Variants in VPS13D observed in about 807,000 individuals in gnomAD.
VPS13D encodes vacuolar protein sorting 13 homolog D, also known as intermembrane lipid transfer protein VPS13D.
In VPS13D, 187 loss-of-function variants were observed where a neutral mutation model predicts 461.9. The ratio of observed to expected loss-of-function variants is 0.40; its 90% CI spans 0.36 to 0.46. VPS13D has a LOEUF of 0.46. Among genes scored for constraint, VPS13D ranks in the 20% least tolerant of loss-of-function variants. The pLI is 0.60. For synonymous variants in VPS13D, 1,951 were observed against 1,986.3 expected, an observed-to-expected ratio of 0.98 and a Z score of 0.47; for missense variants, 4,711 against 5,364.9, an observed-to-expected ratio of 0.88 and a Z score of 3.81.
At chr1:12,365,635 C>T (rs1172924563) in intron 52 of VPS13D, among the ~76,000 whole-genome samples, 7 of 149,884 alleles carry the variant, frequency 4.7e-5, no homozygotes, top group African/African-American at 1.7e-4. Flanking sequence ...ACCCAGGAGG[C>T]GGAGGTTGCA....
chr1:12,416,786 A>T lies in VPS13D; in HGVS notation c.12292A>T (p.Ile4098Phe). ...AAAATATGGAAATGTCGGGGGCCTC[A>T]TCAGAAATGTTACACACGGAGTATC... ...LIKYGNVGGL[I>F]RNVTHGVSNS... The change falls in exon 65 of 70, where the codon ATC (isoleucine) becomes TTC (phenylalanine). Residue 4098 changes from isoleucine (I) to phenylalanine (F), a missense_variant. Physicochemically the swap from Ile to Phe is conservative, Grantham distance 21 (BLOSUM62 0). This residue lies in a region of VPS13D where 106 missense variants were observed against 206.2 expected (regional missense o/e 0.51). Coordinates refer to ENST00000620676, the MANE Select transcript of VPS13D (RefSeq NM_015378.4). The T allele has an allele frequency of 1.9e-6, 3 of 1,613,778 alleles. No individual in the cohort carries two copies. The highest frequency in any genetic ancestry group is 2.5e-6 in the Non-Finnish European group (3 of 1,179,918).
chr1:12,397,455 T>C (rs1399973940), intron 60 of VPS13D, among the ~76,000 whole-genome samples: 1 of 152,212 alleles, frequency 6.6e-6, no homozygotes. Context: ...CAGATGTGTT[T>C]AGTGAAAGAA....
chr1:12,507,199 T>G lies in VPS13D; in HGVS notation c.13035+106T>G, dbSNP rs767122127. On this transcript the variant is annotated intron_variant, in intron 69 of 69. Coordinates refer to ENST00000620676, the MANE Select transcript of VPS13D (RefSeq NM_015378.4). The surrounding 1 kb of genome is among the most constrained non-coding windows in gnomAD (Gnocchi z 5.3). Reference sequence around the variant, plus strand: ...AGGAGCTCATTTAGGAGGTTGAGGCTGGGCCCTTCCCAGGAGTGCTGCCTC... The same window carrying G: ...AGGAGCTCATTTAGGAGGTTGAGGCGGGGCCCTTCCCAGGAGTGCTGCCTC... 4 of 1,594,410 alleles carry G rather than the reference T, an allele frequency of 2.5e-6. No homozygotes were observed. In the South Asian group the frequency reaches 3.3e-5, roughly 13 times the overall value.
intron 64 of VPS13D, among the ~76,000 whole-genome samples, chr1:12,415,454 G>C (rs897111063): frequency 1.3e-5 from 2 of 152,086 alleles, no homozygotes; most frequent in Non-Finnish European, 2.9e-5. Context: ...AGTCTGAGGG[G>C]TTCCTGCTAG....
intron 68 of VPS13D, among the ~76,000 whole-genome samples, chr1:12,498,623 C>G (rs1476495557): frequency 6.6e-6 from 1 of 152,142 alleles, no homozygotes; most frequent in Non-Finnish European, 1.5e-5. Context: ...CTTGTTTCGT[C>G]TACTTGGGTT....
chr1:12,509,244 G>A lies in VPS13D; in HGVS notation c.*220G>A, dbSNP rs1646154023. 2 of 556,352 alleles carry A rather than the reference G, an allele frequency of 3.6e-6. No individual in the cohort carries two copies. The highest frequency in any genetic ancestry group is 6.0e-6 in the Non-Finnish European group (2 of 331,934). The allele number at this position is 556,352 out of a possible 1,614,324, so 34.5% of individuals were successfully genotyped here. A position where few individuals can be genotyped will look rare whatever the true frequency, so the allele number is the denominator to read the frequency against. On this transcript the variant is annotated 3_prime_UTR_variant, in exon 70 of 70. Coordinates refer to ENST00000620676, the MANE Select transcript of VPS13D (RefSeq NM_015378.4). ...TAGATTATGGGAAATAATTTTTAAAGGTATTGGTTAAATAACGTTTAAAAA... is the reference window on the plus strand; with the variant it reads ...TAGATTATGGGAAATAATTTTTAAAAGTATTGGTTAAATAACGTTTAAAAA...
At chr1:12,437,121 T>TA (rs939429347) in intron 65 of VPS13D, among the ~76,000 whole-genome samples, 19 of 152,158 alleles carry the variant, frequency 1.2e-4, no homozygotes, top group African/African-American at 4.3e-4. Context: ...TAATTAGAGC[T>TA]AAAACCAAAC....
At chr1:12,295,222 C>CAAAAAA (rs112447551) in intron 24 of VPS13D, among the ~76,000 whole-genome samples, 14 of 72,950 alleles carry the variant, frequency 1.9e-4, no homozygotes, top group East Asian at 1.3e-3. Context: ...CACCATGACT[C>CAAAAAA]AAAAAAAAAA....
Position 12,507,072 on chromosome 1 carries a change from C to A in VPS13D, c.13014C>A (p.Gly4338=), listed in dbSNP as rs1187475036. The change falls in exon 69 of 70, where the codon GGC becomes GGA. Residue 4338 remains glycine, a synonymous_variant. Transcript: ENST00000620676. The surrounding 1 kb of genome is among the most constrained non-coding windows in gnomAD (Gnocchi z 5.3). The stretch of plus-strand genomic sequence containing the variant: ...CGAGCAGTGGAGTGTCCATCCCCGG[C>A]CCCTCCCACCAGAAGCCCATGGTGA... ...VSTSSGVSIP[G]PSHQKPMVHV... is the part of the protein sequence containing the mutation. The A allele has an allele frequency of 1.2e-6, 2 of 1,614,226 alleles. No individual in the cohort carries two copies. Among genetic ancestry groups the A allele is most frequent in the African/African-American group, 2.7e-5 (2 of 75,074 alleles).
At chr1:12,388,293 G>A (rs974480385) in intron 60 of VPS13D, among the ~76,000 whole-genome samples, 1 of 152,148 alleles carries the variant, frequency 6.6e-6, no homozygotes, top group African/African-American at 2.4e-5. Context: ...AATGAAATTA[G>A]GCCAGGTGAG....
chr1:12,288,065 C>T (rs776552896), intron 21 of VPS13D, among the ~76,000 whole-genome samples, 158 bp from the exon 22 acceptor site: 1 of 152,216 alleles, frequency 6.6e-6, no homozygotes, highest in Non-Finnish European at 1.5e-5. Flanking sequence ...CGTGGTTTCT[C>T]TGGCTTAAGA....
chr1:12,302,975 G>A (rs1642467107), intron 25 of VPS13D, among the ~76,000 whole-genome samples: 1 of 151,640 alleles, frequency 6.6e-6, no homozygotes, highest in Admixed American at 6.6e-5. Context: ...TGTGTTGCTT[G>A]TTCAAGTATT....
At position 12,289,711 on chromosome 1, in the gene VPS13D, T is replaced by C. The variant is rs191427737; in HGVS notation, c.5726-1287T>C. Among the ~76,000 whole-genome samples the C allele has an allele frequency of 1.3e-3, 204 of 152,140 alleles. 1 individual carries two copies. Among genetic ancestry groups the C allele is most frequent in the African/African-American group, 4.8e-3 (200 of 41,538 alleles). On this transcript the variant is annotated intron_variant, in intron 22 of 69. Coordinates refer to ENST00000620676, the MANE Select transcript of VPS13D (RefSeq NM_015378.4). ...GCTCACGCCTGTAATCCTAGCACTT[T>C]GGGAGGCTGAGGTCAGGAGTTTGAG...
At chr1:12,508,820 G>A (rs764449933) in intron 69 of VPS13D, 73 bp from the exon 70 acceptor site, 44 of 1,546,790 alleles carry the variant, frequency 2.8e-5, no homozygotes, top group Non-Finnish European at 3.5e-5. Flanking sequence ...GCTGGGAGCC[G>A]CCACCTGGGT....
chr1:12,310,973 G>T (rs767063408), intron 27 of VPS13D, among the ~76,000 whole-genome samples: 1 of 150,706 alleles, frequency 6.6e-6, no homozygotes, highest in Admixed American at 6.6e-5. Flanking sequence ...CTGGAATACA[G>T]TGGCACGATC....
intron 15 of VPS13D, 23 bp downstream of exon 15, chr1:12,267,943 T>A (rs1641322276): frequency 6.4e-7 from 1 of 1,570,376 alleles, no homozygotes; most frequent in African/African-American, 1.4e-5. Flanking sequence ...ATGTTGTTTT[T>A]TTAAAATTTT....
At position 12,319,748 on chromosome 1, in the gene VPS13D, C is replaced by T. The variant is rs930018721; in HGVS notation, c.7548+118C>T. The T allele has an allele frequency of 1.5e-5, 22 of 1,441,140 alleles. No individual in the cohort carries two copies. The African/African-American group carries it at 2.7e-4, about 18-fold the overall frequency. The allele number at this position is 1,441,140 out of a possible 1,614,324, so 89.3% of individuals were successfully genotyped here. Reference sequence around the variant, plus strand: ...GAAGGAATTAATGAAATTGGAAGACCCTTGCCCTCTTTTCCTCTTTGTTTT... The same window carrying T: ...GAAGGAATTAATGAAATTGGAAGACTCTTGCCCTCTTTTCCTCTTTGTTTT... On this transcript the variant is annotated intron_variant, in intron 32 of 69. Coordinates refer to ENST00000620676, the MANE Select transcript of VPS13D (RefSeq NM_015378.4).
rs1643886295 is a variant in VPS13D, at chr1:12,356,411, C to G, written c.9885C>G (p.Ile3295Met). The change falls in exon 49 of 70, where the codon ATC becomes ATG. Residue 3295 changes from isoleucine to methionine, a missense_variant. By Grantham distance (10) the Ile-to-Met change is conservative. This residue lies in a region of VPS13D where 4,411 missense variants were observed against 4,937.8 expected (regional missense o/e 0.89). Transcript: ENST00000620676. Reference protein sequence around the residue: ...WLINKTGLPLIFRQDNAKTDA... With the variant: ...WLINKTGLPLMFRQDNAKTDA... ...TCCTTCCTAAAGGGTTGCCACTGAT[C>G]TTCAGACAGGACAATGCCAAGACAG... The G allele has an allele frequency of 1.2e-6, 2 of 1,613,794 alleles. No homozygotes were observed. The highest frequency in any genetic ancestry group is 2.2e-5 in the East Asian group (1 of 44,870).
At chr1:12,373,472 T>C (rs796198918) in intron 54 of VPS13D, among the ~76,000 whole-genome samples, 12 of 152,092 alleles carry the variant, frequency 7.9e-5, no homozygotes, top group African/African-American at 2.7e-4. Flanking sequence ...TATATGGTTA[T>C]ACTTTTGCAT....
Sources: gnomAD v4.1 joint callset for allele counts (sites outside exome capture counted in the v4.1 genomes callset) on GRCh38, gnomAD v4.1.1 for gene constraint, gnomAD v4.1.1 regional missense constraint, Gnocchi (gnomAD v3.1) non-coding constraint, MANE v1.5 for transcripts, NCBI Gene and HGNC (gene_info 2026-07-23, HGNC 2026-07-21) for gene names.